The following FAF1 variants were observed in gnomAD, a reference collection of about 807,000 sequenced individuals.
FAF1 encodes the protein Fas associated factor 1.
Under a neutral mutation model 92.5 loss-of-function variants are expected in FAF1, and 25 were observed. The ratio of observed to expected loss-of-function variants is 0.27; its 90% confidence interval spans 0.20 to 0.38. The LOEUF is 0.38. Among genes scored for constraint, FAF1 ranks in the 10% least tolerant of loss-of-function variants. The pLI, the probability that FAF1 is intolerant of heterozygous loss-of-function variation, is 1.00. For synonymous variants in FAF1, 234 were observed against 273.2 expected, an observed-to-expected ratio of 0.86 and a Z score of 1.42; for missense variants, 636 against 793.3, an observed-to-expected ratio of 0.80 and a Z score of 2.38.
chr1:50,833,837 A>G (rs1349652484), intron 2 of FAF1, among the ~76,000 whole-genome samples: 1 of 152,170 alleles, frequency 6.6e-6, no homozygotes, highest in Non-Finnish European at 1.5e-5. Context: ...TGCCCTTACC[A>G]TCTCAAATTG....
intron 1 of FAF1, among the ~76,000 whole-genome samples, chr1:50,890,653 T>C (rs1293471619): frequency 6.6e-6 from 1 of 152,244 alleles, no homozygotes; most frequent in Non-Finnish European, 1.5e-5. Context: ...AATTCTGGGT[T>C]GAAAATTCTT....
intron 2 of FAF1, among the ~76,000 whole-genome samples, chr1:50,850,658 A>T (rs906219574): frequency 8.5e-5 from 13 of 152,092 alleles, no homozygotes; most frequent in Admixed American, 7.2e-4. Context: ...ATTAAAAGAT[A>T]AAAAAATGAG....
At chr1:50,710,522 T>C (rs1200139445) in intron 6 of FAF1, among the ~76,000 whole-genome samples, 1 of 152,206 alleles carries the variant, frequency 6.6e-6, no homozygotes, top group Non-Finnish European at 1.5e-5. Context: ...AAAGACCCTA[T>C]TTTAGGCACT....
chr1:50,606,283 A>G (rs1486319516), intron 8 of FAF1, among the ~76,000 whole-genome samples: 2 of 152,200 alleles, frequency 1.3e-5, no homozygotes, highest in Admixed American at 6.5e-5. Flanking sequence ...TCTAAAACAT[A>G]TAACAACCAA....
At chr1:50,883,758 A>G (rs1644634038) in intron 1 of FAF1, among the ~76,000 whole-genome samples, 1 of 152,188 alleles carries the variant, frequency 6.6e-6, no homozygotes, top group African/African-American at 2.4e-5. Context: ...ATAACTAGGA[A>G]ATTTTCAGTG....
chr1:50,912,345 T>C (rs187247931), intron 1 of FAF1, among the ~76,000 whole-genome samples: 207 of 152,288 alleles, frequency 1.4e-3, no homozygotes, highest in Non-Finnish European at 2.4e-3. Context: ...TTTCTAGAAG[T>C]AGGATTCTAG....
At chr1:50,463,174 C>T (rs539282752) in intron 18 of FAF1, among the ~76,000 whole-genome samples, 12 of 152,214 alleles carry the variant, frequency 7.9e-5, no homozygotes, top group African/African-American at 2.9e-4. Flanking sequence ...CAATAAAAGC[C>T]CTGGGCAGAG....
intron 6 of FAF1, among the ~76,000 whole-genome samples, chr1:50,718,492 C>T (rs187531910): frequency 6.6e-6 from 1 of 152,318 alleles, no homozygotes; most frequent in Admixed American, 6.5e-5. Context: ...GTACTAACAT[C>T]AATACAGTGA....
chr1:50,864,645 A>T (rs1253828922), intron 1 of FAF1, among the ~76,000 whole-genome samples: 2 of 151,802 alleles, frequency 1.3e-5, no homozygotes, highest in African/African-American at 4.8e-5. Flanking sequence ...ATATGTAGAA[A>T]GCTGAAACTG....
chr1:50,750,662 T>C (rs916932223), intron 4 of FAF1, among the ~76,000 whole-genome samples: 7 of 151,228 alleles, frequency 4.6e-5, no homozygotes, highest in African/African-American at 1.5e-4. Context: ...ATCTCTCTGT[T>C]GCCCAGGCTG....
intron 8 of FAF1, among the ~76,000 whole-genome samples, chr1:50,618,414 G>GTTTT (rs540421778): frequency 4.2e-4 from 47 of 111,896 alleles, no homozygotes; most frequent in Non-Finnish European, 5.9e-4. Flanking sequence ...AGTTTTTAGA[G>GTTTT]TTTTTTTTTT....
intron 8 of FAF1, among the ~76,000 whole-genome samples, chr1:50,645,229 C>T (rs182710062): frequency 1.7e-4 from 26 of 152,330 alleles, no homozygotes; most frequent in African/African-American, 6.0e-4. Context: ...TTGCCTGAAT[C>T]TGTCTGCCCT....
intron 7 of FAF1, among the ~76,000 whole-genome samples, chr1:50,683,668 C>T (rs996495436): frequency 6.6e-6 from 1 of 152,048 alleles, no homozygotes; most frequent in Non-Finnish European, 1.5e-5. Context: ...TGCAGTGGCT[C>T]ATACCCATAA....
chr1:50,952,215 C>A (rs979350254), intron 1 of FAF1, among the ~76,000 whole-genome samples: 1 of 152,220 alleles, frequency 6.6e-6, no homozygotes, highest in Non-Finnish European at 1.5e-5. Flanking sequence ...CTGCCTGATT[C>A]TCCTGCCTCA....
At chr1:50,869,028 A>AT (rs1644505678) in intron 1 of FAF1, among the ~76,000 whole-genome samples, 2 of 152,148 alleles carry the variant, frequency 1.3e-5, no homozygotes, top group South Asian at 4.1e-4. Context: ...GGATTTGTCT[A>AT]TATCTGCCTT....
At chr1:50,827,511 T>C (rs1409324398) in intron 2 of FAF1, among the ~76,000 whole-genome samples, 2 of 152,202 alleles carry the variant, frequency 1.3e-5, no homozygotes, top group African/African-American at 4.8e-5. Flanking sequence ...CAGGGACCTC[T>C]GCCTAGGAAA....
chr1:50,633,527 C>G (rs1396716430), intron 8 of FAF1, among the ~76,000 whole-genome samples: 2 of 152,158 alleles, frequency 1.3e-5, no homozygotes, highest in Non-Finnish European at 2.9e-5. Flanking sequence ...TATAAAAGGA[C>G]ACTCTACTCA....
intron 2 of FAF1, among the ~76,000 whole-genome samples, chr1:50,818,141 A>G (rs1413228477): frequency 3.9e-5 from 6 of 152,234 alleles, no homozygotes. Flanking sequence ...ATGAGTTTAT[A>G]CATAAATTAT....
intron 2 of FAF1, among the ~76,000 whole-genome samples, chr1:50,851,703 C>A (rs1375892198): frequency 1.3e-5 from 2 of 152,068 alleles, no homozygotes; most frequent in Non-Finnish European, 2.9e-5. Context: ...ATGTTTCTTT[C>A]ATGCAATAAA....
Sources: allele counts gnomAD v4.1 joint callset (sites outside exome capture counted in the v4.1 genomes callset), GRCh38; gene constraint gnomAD v4.1.1; transcripts MANE v1.5; gene names NCBI Gene and HGNC (gene_info 2026-07-23, HGNC 2026-07-21).